COL18A1: variants seen among roughly 807,000 people sequenced by gnomAD.
COL18A1 encodes the protein collagen type XVIII alpha 1 chain.
COL18A1 carries 133 observed loss-of-function variants against 168.0 expected under a neutral mutation model. That is an observed-to-expected ratio of 0.79 (90% CI 0.69 to 0.91). COL18A1 has a LOEUF of 0.91. COL18A1 is among the 40% of genes least tolerant of loss of function. The pLI, the probability that COL18A1 is intolerant of heterozygous loss-of-function variation, is 0.00. For missense variants in COL18A1, 2,126 were observed against 1,925.4 expected (o/e 1.10, Z -1.95); for synonymous variants, 949 against 809.0 (o/e 1.17, Z -2.94).
chr21:45,451,963 C>A (rs929445610), intron 2 of COL18A1, among the ~76,000 whole-genome samples: 1 of 152,250 alleles, frequency 6.6e-6, no homozygotes. Context: ...TCCCTCATGA[C>A]GACACGTGTG....
chr21:45,453,684 G>T (rs76037604), intron 2 of COL18A1, among the ~76,000 whole-genome samples: 209 of 152,272 alleles, frequency 1.4e-3, no homozygotes, highest in African/African-American at 4.6e-3. Context: ...GTGGGGTCAG[G>T]AATGGAGTGG....
chr21:45,439,097 T>C (rs1345574713), intron 2 of COL18A1, among the ~76,000 whole-genome samples: 3 of 152,266 alleles, frequency 2.0e-5, no homozygotes, highest in Non-Finnish European at 2.9e-5. Flanking sequence ...CCCACAAATG[T>C]GACCCTTATG....
chr21:45,511,267 G>T, intron 41 of COL18A1, 41 bp downstream of exon 41: 1 of 1,153,822 alleles, frequency 8.7e-7, no homozygotes, highest in Non-Finnish European at 1.3e-6. Flanking sequence ...GAGAGCCCCA[G>T]CCAGGGAAGG....
intron 2 of COL18A1, among the ~76,000 whole-genome samples, chr21:45,406,114 T>C (rs2033100558): frequency 6.6e-6 from 1 of 152,072 alleles, no homozygotes; most frequent in Admixed American, 6.5e-5. Flanking sequence ...GCGGGGCCCG[T>C]GGGGACCTTC....
intron 29 of COL18A1, chr21:45,495,633 C>T: frequency 1.7e-6 from 1 of 593,256 alleles, no homozygotes; most frequent in Non-Finnish European, 3.1e-6. Context: ...AACATGCATG[C>T]ACATATATGG....
chr21:45,449,185 G>T (rs2145834817), intron 2 of COL18A1, among the ~76,000 whole-genome samples: 1 of 152,344 alleles, frequency 6.6e-6, no homozygotes, highest in Middle Eastern at 3.4e-3. Flanking sequence ...CCTTCCCAAG[G>T]GTGGGCCCTG....
intron 2 of COL18A1, among the ~76,000 whole-genome samples, chr21:45,451,152 G>A (rs946012427): frequency 6.6e-6 from 1 of 152,236 alleles, no homozygotes; most frequent in Admixed American, 6.5e-5. Context: ...GGCTGCGTGC[G>A]GGTAGCCCAT....
At chr21:45,428,723 G>A (rs2033874993) in intron 2 of COL18A1, among the ~76,000 whole-genome samples, 1 of 152,106 alleles carries the variant, frequency 6.6e-6, no homozygotes, top group Non-Finnish European at 1.5e-5. Context: ...GAGGCCTTTT[G>A]TTTCGGGCTC....
At chr21:45,442,452 C>T (rs930843973) in intron 2 of COL18A1, among the ~76,000 whole-genome samples, 1 of 151,962 alleles carries the variant, frequency 6.6e-6, no homozygotes, top group Non-Finnish European at 1.5e-5. Context: ...CCTCTGTCAG[C>T]TGGGCAGGCG....
At chr21:45,478,160 A>G in intron 8 of COL18A1, 167 bp from the exon 9 acceptor site, 1 of 897,636 alleles carries the variant, frequency 1.1e-6, no homozygotes, top group Non-Finnish European at 1.8e-6. Flanking sequence ...GCTCAGACAC[A>G]GCCCTTGTGG....
At position 45,512,556 on chromosome 21, in the gene COL18A1, G is replaced by A; in HGVS notation, c.*158G>A. On this transcript the variant is annotated 3_prime_UTR_variant, in exon 42 of 42. Transcript: ENST00000651438. ...TGTAATCCTCAAGAAATAAAAGGAA[G>A]CCAAAGAGTGTATTTTTTTAAAAGT... The A allele has an allele frequency of 4.3e-6, 3 of 692,672 alleles. No homozygotes were observed. In the East Asian group the frequency reaches 8.1e-5, roughly 19 times the overall value. 42.9% of individuals were successfully genotyped at this position (692,672 alleles called of 1,614,324 possible).
intron 2 of COL18A1, among the ~76,000 whole-genome samples, chr21:45,416,385 G>A (rs564606465): frequency 2.0e-5 from 3 of 151,134 alleles, no homozygotes; most frequent in East Asian, 1.9e-4. Flanking sequence ...GTCTCCCCAC[G>A]CCTGGTGTCC....
chr21:45,512,709 G>C lies in COL18A1; in HGVS notation c.*311G>C. 1 of 441,530 alleles carries C rather than the reference G, an allele frequency of 2.3e-6. No individual in the cohort carries two copies. Among genetic ancestry groups the C allele is most frequent in the Non-Finnish European group, 4.2e-6 (1 of 239,116 alleles). 27.4% of individuals were successfully genotyped at this position (441,530 alleles called of 1,614,324 possible). The stretch of plus-strand genomic sequence containing the variant: ...TCTTGGCCTGATCAGACCACGGCTC[G>C]ATTTCTCCAGGATTTCCTGCTTTGG... On this transcript the variant is annotated 3_prime_UTR_variant, in exon 42 of 42. Transcript: ENST00000651438.
chr21:45,445,146 C>T (rs75322612), intron 2 of COL18A1, among the ~76,000 whole-genome samples: 6,472 of 152,300 alleles, frequency 0.042, 179 homozygotes, highest in African/African-American at 0.074. Flanking sequence ...TCCTGGCCAC[C>T]GGTCATCTCC....
Position 45,479,223 on chromosome 21 carries a change from GCA to G in COL18A1, c.1249-672_1249-671del, listed in dbSNP as rs762969708. On this transcript the variant is annotated intron_variant, in intron 9 of 41. Transcript: ENST00000651438. Reference sequence around the variant, plus strand: ...ATCCACACGTACACATACCACACATGCACACACAGCACATATCACACACCACA... The same window carrying G: ...ATCCACACGTACACATACCACACATGCACACAGCACATATCACACACCACA... Among the ~76,000 whole-genome samples the G allele has an allele frequency of 8.5e-5, 13 of 152,190 alleles. 1 individual carries two copies. The highest frequency in any genetic ancestry group is 8.3e-4 in the South Asian group (4 of 4,834).
At chr21:45,480,610 G>T in intron 12 of COL18A1, 90 bp downstream of exon 12, 4 of 1,613,232 alleles carry the variant, frequency 2.5e-6, no homozygotes, top group South Asian at 1.1e-5. Context: ...GGGTCCTGTG[G>T]GGGGTGGGGA....
chr21:45,490,739 A>G (rs1387673281), intron 20 of COL18A1, 97 bp from the exon 21 acceptor site: 9 of 1,256,260 alleles, frequency 7.2e-6, no homozygotes, highest in Admixed American at 2.0e-5. Flanking sequence ...CGGTCGGGAA[A>G]TAAAGAACCC....
intron 2 of COL18A1, among the ~76,000 whole-genome samples, chr21:45,441,633 C>T (rs932520667): frequency 3.5e-4 from 53 of 152,236 alleles, no homozygotes; most frequent in African/African-American, 1.2e-3. Flanking sequence ...GCTTCACCAG[C>T]CGGCGCCTTC....
rs1402288922 is a variant in COL18A1 at position 45,457,109 on chromosome 21, G to T, written c.107-11133G>T. On this transcript the variant is annotated intron_variant, in intron 2 of 41. Coordinates refer to ENST00000651438, the MANE Select transcript of COL18A1 (RefSeq NM_001379500.1). This position sits in a 1 kb window ranked among gnomAD's most constrained non-coding sequence, Gnocchi z 4.6. ...GATGAACCGCAGCCGATGTGTCCAG[G>T]TGCCACCTGGGCCTGGAGCTCCCTG... 6.6e-6 allele frequency among the ~76,000 whole-genome samples: 1 copy of T among 152,098 alleles called. No individual in the cohort carries two copies. Among genetic ancestry groups the T allele is most frequent in the Non-Finnish European group, 1.5e-5 (1 of 67,998 alleles).
Sources: allele counts gnomAD v4.1 joint callset (sites outside exome capture counted in the v4.1 genomes callset), GRCh38; gene constraint gnomAD v4.1.1; non-coding constraint Gnocchi (gnomAD v3.1); transcripts MANE v1.5; gene names NCBI Gene and HGNC (gene_info 2026-07-23, HGNC 2026-07-21).